The following IMPA1 variants were observed in gnomAD, a reference collection of about 807,000 sequenced individuals.
IMPA1 encodes D-galactose 1-phosphate phosphatase.
A neutral mutation model predicts 34.9 loss-of-function variants in IMPA1; 21 were observed. The observed-to-expected ratio is 0.60, with a 90% CI of 0.43 to 0.87. The LOEUF is 0.87. Ranked by LOEUF, IMPA1 falls within the 40% of genes least tolerant of loss-of-function variation. IMPA1 has a pLI of 0.00. For synonymous variants in IMPA1, 95 were observed against 104.4 expected, an observed-to-expected ratio of 0.91 and a Z score of 0.55; for missense variants, 299 against 336.4, an observed-to-expected ratio of 0.89 and a Z score of 0.87.
intron 7 of IMPA1, among the ~76,000 whole-genome samples, chr8:81,665,590 C>T (rs1274371204): frequency 6.6e-6 from 1 of 152,060 alleles, no homozygotes; most frequent in African/African-American, 2.4e-5. Context: ...CTTAAGGAAA[C>T]TTCCCAGAAA....
intron 4 of IMPA1, chr8:81,678,687 C>T (rs754814452): frequency 1.2e-5 from 2 of 172,544 alleles, no homozygotes; most frequent in African/African-American, 2.4e-5. Context: ...AGGGAAACTC[C>T]ATCTTAAAAA....
At chr8:81,685,669 TA>T (rs759193684) in intron 1 of IMPA1, 16 of 470,098 alleles carry the variant, frequency 3.4e-5, no homozygotes, top group East Asian at 8.6e-5. Context: ...ATTTTATATA[TA>T]TTTTTATATA....
At chr8:81,680,569 G>T in intron 3 of IMPA1, 81 bp downstream of exon 3, 1 of 1,033,368 alleles carries the variant, frequency 9.7e-7, no homozygotes, top group Non-Finnish European at 1.4e-6. Flanking sequence ...CAAGAACCGT[G>T]TAGTCAAGCT....
intron 7 of IMPA1, among the ~76,000 whole-genome samples, chr8:81,666,611 C>T (rs1220330660): frequency 6.6e-6 from 1 of 152,138 alleles, no homozygotes; most frequent in South Asian, 2.1e-4. Context: ...CAGTGGCTCA[C>T]GCCTGTAATC....
In IMPA1 at chr8:81,660,609, C is replaced by G; in HGVS notation, c.625G>C (p.Asp209His). 2 of 1,613,504 alleles carry G rather than the reference C, an allele frequency of 1.2e-6. No homozygotes were observed. The highest frequency in any genetic ancestry group is 1.7e-6 in the Non-Finnish European group (2 of 1,179,464). The change falls in exon 8 of 9, where the codon GAT (aspartate) becomes CAT (histidine). Residue 209 changes from aspartate to histidine, a missense_variant. Physicochemically the swap from Asp to His is moderately conservative, Grantham distance 81. Coordinates refer to ENST00000256108, the MANE Select transcript of IMPA1 (RefSeq NM_005536.4). ...NMCLVATGGA[D>H]AYYEMGIHCW... is the part of the protein sequence containing the mutation. Reference sequence around the variant, plus strand: ...TGAATTCCCATTTCATAATATGCATCTGCTCCGCCAGTTGCCACAAGGCAC... The same window carrying G: ...TGAATTCCCATTTCATAATATGCATGTGCTCCGCCAGTTGCCACAAGGCAC...
intron 4 of IMPA1, among the ~76,000 whole-genome samples, chr8:81,678,126 A>T (rs1251423890): frequency 6.6e-6 from 1 of 152,124 alleles, no homozygotes; most frequent in Non-Finnish European, 1.5e-5. Flanking sequence ...AAAAAGCCGT[A>T]AAAAAATACC....
At chr8:81,681,886 A>G (rs1807310184) in intron 1 of IMPA1, among the ~76,000 whole-genome samples, 1 of 152,216 alleles carries the variant, frequency 6.6e-6, no homozygotes, top group Non-Finnish European at 1.5e-5. Context: ...AACACAAGAA[A>G]TACTTTAAAA....
intron 1 of IMPA1, among the ~76,000 whole-genome samples, chr8:81,681,999 A>G (rs1807314131): frequency 6.6e-6 from 1 of 152,196 alleles, no homozygotes; most frequent in Non-Finnish European, 1.5e-5. Flanking sequence ...GGTACTTGAA[A>G]AAATTATGTG....
chr8:81,681,353 C>T, intron 2 of IMPA1, 145 bp downstream of exon 2: 2 of 602,494 alleles, frequency 3.3e-6, no homozygotes, highest in Non-Finnish European at 2.9e-6. Context: ...GAGCCATGTT[C>T]CTGCCACTAC....
At chr8:81,683,287 C>A (rs1807353460) in intron 1 of IMPA1, among the ~76,000 whole-genome samples, 2 of 152,154 alleles carry the variant, frequency 1.3e-5, no homozygotes, top group African/African-American at 2.4e-5. Context: ...AGAATCACTT[C>A]ATTGTGGCTA....
At chr8:81,671,118 G>T in intron 6 of IMPA1, 71 bp from the exon 7 acceptor site, 4 of 623,366 alleles carry the variant, frequency 6.4e-6, no homozygotes, top group Non-Finnish European at 1.1e-5. Context: ...TTCAGAAGAG[G>T]GCATTTGTAT....
intron 4 of IMPA1, among the ~76,000 whole-genome samples, chr8:81,678,402 A>G (rs1211199487): frequency 6.6e-6 from 1 of 152,192 alleles, no homozygotes; most frequent in Non-Finnish European, 1.5e-5. Context: ...CTTTGAAAAC[A>G]TATCTTTGGC....
intron 3 of IMPA1, among the ~76,000 whole-genome samples, chr8:81,679,612 CA>C (rs944189765): frequency 8.6e-5 from 9 of 104,732 alleles, no homozygotes; most frequent in African/African-American, 3.7e-4. Flanking sequence ...GACTCTGTCT[CA>C]GGAAAAAAAA....
chr8:81,663,645 G>C (rs1477829691), intron 7 of IMPA1, among the ~76,000 whole-genome samples: 2 of 152,206 alleles, frequency 1.3e-5, no homozygotes, highest in East Asian at 3.8e-4. Context: ...GACAGAAATA[G>C]TAGGTGGTGA....
At chr8:81,660,012 T>C (rs1436517806) in intron 8 of IMPA1, among the ~76,000 whole-genome samples, 1 of 152,196 alleles carries the variant, frequency 6.6e-6, no homozygotes, top group Non-Finnish European at 1.5e-5. Context: ...TCGGTGACTG[T>C]CTAGGCCAAG....
At chr8:81,674,760 T>A (rs757533060) in intron 5 of IMPA1, 1 of 454,128 alleles carries the variant, frequency 2.2e-6, no homozygotes, top group Admixed American at 2.4e-5. Flanking sequence ...ACAGGTTGGT[T>A]TTTTACAGTC....
At chr8:81,677,158 C>T (rs11995984) in intron 4 of IMPA1, among the ~76,000 whole-genome samples, 1,772 of 151,592 alleles carry the variant, frequency 0.012, 28 homozygotes, top group African/African-American at 0.04. Context: ...TGCAATGGCA[C>T]GATCTCAGCC....
chr8:81,674,073 G>C, intron 5 of IMPA1, 124 bp from the exon 6 acceptor site: 2 of 609,230 alleles, frequency 3.3e-6, no homozygotes, highest in South Asian at 4.2e-5. Context: ...CTAAACTGTG[G>C]GATACTTAAA....
At chr8:81,660,410 C>T in intron 8 of IMPA1, 106 bp downstream of exon 8, 1 of 877,464 alleles carries the variant, frequency 1.1e-6, no homozygotes, top group Non-Finnish European at 1.8e-6. Context: ...CTTGTTTCTG[C>T]TTCAAAAACT....
Sources: gnomAD v4.1 joint callset for allele counts (sites outside exome capture counted in the v4.1 genomes callset) on GRCh38, gnomAD v4.1.1 for gene constraint, MANE v1.5 for transcripts, NCBI Gene and HGNC (gene_info 2026-07-23, HGNC 2026-07-21) for gene names.